Variants in COP1 observed in about 807,000 individuals in gnomAD.
The protein encoded by COP1 is COP1 E3 ubiquitin ligase, also known as E3 ubiquitin-protein ligase COP1.
Under a neutral mutation model 101.3 loss-of-function variants are expected in COP1, and 24 were observed. That is an observed-to-expected ratio of 0.24 (90% CI 0.17 to 0.33). The LOEUF is 0.33. COP1 is among the 10% of genes least tolerant of loss of function. The pLI, the probability that COP1 is intolerant of heterozygous loss-of-function variation, is 1.00. For synonymous variants in COP1, 347 were observed against 341.9 expected, an observed-to-expected ratio of 1.01 and a Z score of -0.17; for missense variants, 663 against 906.2, an observed-to-expected ratio of 0.73 and a Z score of 3.45.
intron 15 of COP1, among the ~76,000 whole-genome samples, chr1:175,998,947 A>T (rs1414333671): frequency 1.3e-5 from 2 of 152,072 alleles, no homozygotes; most frequent in African/African-American, 4.8e-5. Flanking sequence ...CATGTTAATG[A>T]TAAAGATATG....
chr1:175,947,300 G>T lies in COP1; in HGVS notation c.2134-61C>A, dbSNP rs1649299907. On this transcript the variant is annotated intron_variant, in intron 18 of 19. Transcript: ENST00000367669. ...GGATTTCCTGGAGAGCAATCCAAGAGATAATTTCCTCTTCATCCTTCTTTC... is the reference window on the plus strand; with the variant it reads ...GGATTTCCTGGAGAGCAATCCAAGATATAATTTCCTCTTCATCCTTCTTTC... 31 of 1,075,082 alleles carry T rather than the reference G, an allele frequency of 2.9e-5. 1 individual carries two copies. In the South Asian group the frequency reaches 3.7e-4, roughly 13 times the overall value. 66.6% of individuals were successfully genotyped at this position (1,075,082 alleles called of 1,614,324 possible). A position where few individuals can be genotyped will look rare whatever the true frequency, so the allele number is the denominator to read the frequency against.
At chr1:176,073,593 C>A (rs2149360135) in intron 11 of COP1, among the ~76,000 whole-genome samples, 1 of 152,294 alleles carries the variant, frequency 6.6e-6, no homozygotes, top group Middle Eastern at 3.4e-3. Flanking sequence ...ATGCAATTAA[C>A]TGTCTTCTTT....
chr1:175,956,021 A>G (rs1042065360), intron 18 of COP1, among the ~76,000 whole-genome samples: 6 of 152,214 alleles, frequency 3.9e-5, no homozygotes, highest in Non-Finnish European at 7.3e-5. Context: ...GAAAAAGCAA[A>G]GACATTATAA....
intron 18 of COP1, among the ~76,000 whole-genome samples, chr1:175,949,168 CAAA>C (rs56280543): frequency 3.5e-4 from 15 of 43,164 alleles, no homozygotes; most frequent in Non-Finnish European, 4.9e-4. Context: ...GGCTCCGTCT[CAAA>C]AAAAAAAAAA....
In COP1 at chr1:176,181,828, C is replaced by T. The variant is rs868318969; in HGVS notation, c.467+2805G>A. Among the ~76,000 whole-genome samples the T allele has an allele frequency of 4.0e-5, 6 of 150,562 alleles. No individual in the cohort carries two copies. The South Asian group carries it at 1.0e-3, about 26-fold the overall frequency. ...ACTGCACTCCAGCCTGGTGACAGAG[C>T]GAGACTCCATCTCAAAAAAAAAAAC... is the stretch of plus-strand genomic sequence containing the variant. On this transcript the variant is annotated intron_variant, in intron 2 of 19. Coordinates refer to ENST00000367669, the MANE Select transcript of COP1 (RefSeq NM_022457.7).
intron 9 of COP1, among the ~76,000 whole-genome samples, chr1:176,088,198 A>G (rs1038839868): frequency 6.6e-6 from 1 of 152,088 alleles, no homozygotes; most frequent in African/African-American, 2.4e-5. Flanking sequence ...GCACATGTAT[A>G]CATATGTGAC....
chr1:176,138,790 C>T (rs1358771655), intron 6 of COP1, among the ~76,000 whole-genome samples: 2 of 152,124 alleles, frequency 1.3e-5, no homozygotes, highest in East Asian at 1.9e-4. Context: ...AATAAACATC[C>T]CAGTTATTCT....
chr1:176,078,711 C>A (rs1678540989), intron 11 of COP1, among the ~76,000 whole-genome samples: 1 of 151,490 alleles, frequency 6.6e-6, no homozygotes, highest in Non-Finnish European at 1.5e-5. Flanking sequence ...AACAGACAGC[C>A]TAGGGAATGG....
chr1:176,057,256 T>G (rs997373353), intron 11 of COP1, among the ~76,000 whole-genome samples: 13 of 152,210 alleles, frequency 8.5e-5, no homozygotes, highest in Admixed American at 3.3e-4. Flanking sequence ...ATGAGTGATA[T>G]GCTTTGCTAT....
chr1:176,205,120 T>G (rs1700696852), intron 1 of COP1, among the ~76,000 whole-genome samples: 1 of 152,182 alleles, frequency 6.6e-6, no homozygotes, highest in Non-Finnish European at 1.5e-5. Flanking sequence ...GCTAACATGT[T>G]TGTGTTCGTT....
At chr1:176,043,876 A>G (rs1438724866) in intron 12 of COP1, 58 bp from the exon 13 acceptor site, 9 of 965,720 alleles carry the variant, frequency 9.3e-6, no homozygotes, top group Non-Finnish European at 1.3e-5. Flanking sequence ...ATGGGATAAA[A>G]ATAATTTTAA....
chr1:176,014,645 C>G (rs1184142561), intron 15 of COP1, among the ~76,000 whole-genome samples: 2 of 152,094 alleles, frequency 1.3e-5, no homozygotes, highest in Non-Finnish European at 2.9e-5. Context: ...TTATCACTCT[C>G]TGAATTTAAG....
At chr1:176,158,955 T>C (rs546267456) in intron 5 of COP1, among the ~76,000 whole-genome samples, 42 of 152,262 alleles carry the variant, frequency 2.8e-4, no homozygotes, top group Non-Finnish European at 4.1e-4. Context: ...GTTCTTGTAA[T>C]ACAGATGAAG....
chr1:176,135,506 A>G (rs780610795), intron 7 of COP1, among the ~76,000 whole-genome samples: 16 of 152,038 alleles, frequency 1.1e-4, no homozygotes, highest in Admixed American at 2.0e-4. Context: ...ATCAGGTTCA[A>G]CTCTTGAACA....
At chr1:176,161,969 T>C (rs1207570226) in intron 5 of COP1, among the ~76,000 whole-genome samples, 1 of 152,184 alleles carries the variant, frequency 6.6e-6, no homozygotes, top group Non-Finnish European at 1.5e-5. Flanking sequence ...GCTCCTTTTT[T>C]TCTTTTATCA....
chr1:176,169,391 C>A (rs1255786535), intron 3 of COP1, among the ~76,000 whole-genome samples: 1 of 152,052 alleles, frequency 6.6e-6, no homozygotes. Context: ...TTTAAGACTT[C>A]TTAATGCTTA....
intron 5 of COP1, chr1:176,160,281 T>G (rs901683751): frequency 5.1e-6 from 2 of 390,782 alleles, no homozygotes; most frequent in East Asian, 1.6e-4. Context: ...TTTTTTTTTT[T>G]TTACTTTAAG....
intron 11 of COP1, among the ~76,000 whole-genome samples, chr1:176,065,201 T>A (rs1226185681): frequency 6.6e-6 from 1 of 152,220 alleles, no homozygotes; most frequent in African/African-American, 2.4e-5. Context: ...GAGGTTAAAA[T>A]CTGTTTAGGT....
intron 9 of COP1, among the ~76,000 whole-genome samples, chr1:176,109,361 T>C (rs1322872936): frequency 6.6e-6 from 1 of 152,204 alleles, no homozygotes; most frequent in East Asian, 1.9e-4. Context: ...GTTTCCCATT[T>C]GTCCCAACAC....
Sources: gnomAD v4.1 joint callset for allele counts (sites outside exome capture counted in the v4.1 genomes callset) on GRCh38, gnomAD v4.1.1 for gene constraint, MANE v1.5 for transcripts, NCBI Gene and HGNC (gene_info 2026-07-23, HGNC 2026-07-21) for gene names.